The following DTD1 variants were observed in gnomAD, a reference collection of about 807,000 sequenced individuals.
The protein encoded by DTD1 is D-aminoacyl-tRNA deacylase 1.
A neutral mutation model predicts 25.6 loss-of-function variants in DTD1; 13 were observed. That is an observed-to-expected ratio of 0.51 (90% CI 0.33 to 0.81). The LOEUF is 0.81. Ranked by LOEUF, DTD1 falls within the 30% of genes least tolerant of loss-of-function variation. The pLI, the probability that DTD1 is intolerant of heterozygous loss-of-function variation, is 0.02. For synonymous variants in DTD1, 110 were observed against 103.6 expected (o/e 1.06, Z -0.37); for missense variants, 193 against 266.4 (o/e 0.72, Z 1.92).
Position 18,593,674 on chromosome 20 carries a change from G to T in DTD1, c.44-57G>T, listed in dbSNP as rs559313443. ...AAAATACTCCTATGGTTACTTAAAAGTGCTTTATGACCTTGTTTGGTTCTG... is the reference window on the plus strand; with the variant it reads ...AAAATACTCCTATGGTTACTTAAAATTGCTTTATGACCTTGTTTGGTTCTG... On this transcript the variant is annotated intron_variant, in intron 1 of 5. Transcript: ENST00000377452. 2.4e-4 allele frequency: 310 copies of T among 1,305,320 alleles called. No individual in the cohort carries two copies. In the Middle Eastern group the frequency reaches 6.4e-3, roughly 27 times the overall value. The allele number at this position is 1,305,320 out of a possible 1,614,324, so 80.9% of individuals were successfully genotyped here. A position where few individuals can be genotyped will look rare whatever the true frequency, so the allele number is the denominator to read the frequency against.
intron 4 of DTD1, among the ~76,000 whole-genome samples, chr20:18,719,819 A>C (rs1229612893): frequency 3.3e-5 from 5 of 152,184 alleles, no homozygotes; most frequent in Non-Finnish European, 7.3e-5. Flanking sequence ...TCATTTTGTC[A>C]TAATAATTTA....
intron 4 of DTD1, 105 bp from the exon 5 acceptor site, chr20:18,743,995 A>G (rs1046002526): frequency 5.0e-5 from 65 of 1,309,632 alleles, no homozygotes; most frequent in Non-Finnish European, 6.2e-5. Flanking sequence ...AGGTTATCAG[A>G]AAAAAACTTT....
chr20:18,738,390 G>A (rs2061264950), intron 4 of DTD1, among the ~76,000 whole-genome samples: 1 of 152,194 alleles, frequency 6.6e-6, no homozygotes. Context: ...ACATGAGGGT[G>A]GCTTATAACG....
chr20:18,692,827 A>G (rs902875213), intron 4 of DTD1, among the ~76,000 whole-genome samples: 2 of 151,524 alleles, frequency 1.3e-5, no homozygotes, highest in African/African-American at 4.9e-5. Flanking sequence ...TACATCAGTT[A>G]TCTTTTATTT....
At chr20:18,665,091 C>T (rs888752769) in intron 4 of DTD1, among the ~76,000 whole-genome samples, 3 of 152,152 alleles carry the variant, frequency 2.0e-5, no homozygotes, top group Non-Finnish European at 2.9e-5. Context: ...GTGAATACCA[C>T]GGAAGACATA....
chr20:18,662,917 G>A lies in DTD1; in HGVS notation c.477+34684G>A, dbSNP rs6132096. Among the ~76,000 whole-genome samples, 510 of 152,174 alleles carry A rather than the reference G, an allele frequency of 3.4e-3. 23 individuals are homozygous for A. The East Asian group carries it at 0.079, about 24-fold the overall frequency. ...TAACTTTCTTTTTATGGCTCTTATC[G>A]CAAAGTCATTTATATTGCTTTTGTT... On this transcript the variant is annotated intron_variant, in intron 4 of 5. Transcript: ENST00000377452.
chr20:18,661,592 T>C lies in DTD1; in HGVS notation c.477+33359T>C, dbSNP rs564870997. ...TTCACCGTGTTAGCCAGGATGGTTT[T>C]GATCTCCTGACCTCGTGATCTGCCC... On this transcript the variant is annotated intron_variant, in intron 4 of 5. Coordinates refer to ENST00000377452, the MANE Select transcript of DTD1 (RefSeq NM_080820.6). Among the ~76,000 whole-genome samples, 879 of 152,226 alleles carry C rather than the reference T, an allele frequency of 5.8e-3. 5 individuals carry two copies. Among genetic ancestry groups the C allele is most frequent in the African/African-American group, 0.013 (549 of 41,552 alleles).
intron 5 of DTD1, among the ~76,000 whole-genome samples, chr20:18,750,172 A>G (rs1430853015): frequency 6.6e-6 from 1 of 152,166 alleles, no homozygotes; most frequent in African/African-American, 2.4e-5. Context: ...GACCAGAACC[A>G]AGTGACAGCT....
chr20:18,729,145 A>G (rs1335050882), intron 4 of DTD1, among the ~76,000 whole-genome samples: 1 of 152,204 alleles, frequency 6.6e-6, no homozygotes, highest in African/African-American at 2.4e-5. Context: ...CTGGGACTAC[A>G]GGCATGTGCC....
At chr20:18,694,416 C>T (rs1216485910) in intron 4 of DTD1, among the ~76,000 whole-genome samples, 1 of 152,214 alleles carries the variant, frequency 6.6e-6, no homozygotes, top group African/African-American at 2.4e-5. Flanking sequence ...CTCTGAGCTG[C>T]ATCTTCTTAC....
rs531697151 is a variant in DTD1, at chr20:18,744,216, G to A, written c.594G>A (p.Gly198=). The A allele has an allele frequency of 1.6e-4, 257 of 1,612,254 alleles. 2 individuals carry two copies. In the South Asian group the frequency reaches 2.8e-3, roughly 17 times the overall value. Residue 198 remains glycine (G), a synonymous_variant, in exon 5 of 6, where the codon GGG becomes GGA. Coordinates refer to ENST00000377452, the MANE Select transcript of DTD1 (RefSeq NM_080820.6). ...PRKEDRSASS[G]AEGDVSSERE... ...AAGAAGACCGCAGTGCCAGCAGCGG[G>A]GCTGAGGGCGACGTGTCCTCTGAAC... is the stretch of plus-strand genomic sequence containing the variant.
In DTD1 at chr20:18,749,325, G is replaced by T. The variant is rs2061313032; in HGVS notation, c.*19+5054G>T. ...TCAGGGCCTGTGAGAGTGCTGCTCA[G>T]CATCGCCGTGGGGTGGGGAAGGCTC... On this transcript the variant is annotated intron_variant, in intron 5 of 5. Transcript: ENST00000377452. The surrounding 1 kb of genome is among the most constrained non-coding windows in gnomAD (Gnocchi z 4.2). 6.6e-6 allele frequency among the ~76,000 whole-genome samples: 1 copy of T among 152,190 alleles called. No homozygotes were observed. Among genetic ancestry groups the T allele is most frequent in the Non-Finnish European group, 1.5e-5 (1 of 68,026 alleles).
intron 4 of DTD1, among the ~76,000 whole-genome samples, chr20:18,692,387 G>T (rs1568670822): frequency 6.6e-6 from 1 of 152,214 alleles, no homozygotes; most frequent in African/African-American, 2.4e-5. Context: ...CTGTATCTCT[G>T]CTTCCTTTGG....
At chr20:18,610,002 G>A (rs1327419627) in intron 3 of DTD1, among the ~76,000 whole-genome samples, 1 of 152,164 alleles carries the variant, frequency 6.6e-6, no homozygotes, top group Non-Finnish European at 1.5e-5. Context: ...TGCCAGCATT[G>A]TTCTTCTCTG....
intron 2 of DTD1, 50 bp downstream of exon 2, chr20:18,593,871 T>G (rs745770544): frequency 1.2e-4 from 174 of 1,477,562 alleles, no homozygotes; most frequent in Non-Finnish European, 1.6e-4. Context: ...GTGGTGGTGG[T>G]CATGCTGGGA....
intron 4 of DTD1, among the ~76,000 whole-genome samples, chr20:18,737,103 G>T (rs1454934627): frequency 6.6e-6 from 1 of 152,172 alleles, no homozygotes; most frequent in Non-Finnish European, 1.5e-5. Flanking sequence ...TCTGCCTAGG[G>T]TGCCCCTCAT....
intron 3 of DTD1, among the ~76,000 whole-genome samples, chr20:18,607,951 T>TG (rs2122270327): frequency 6.6e-6 from 1 of 152,220 alleles, no homozygotes; most frequent in South Asian, 2.1e-4. Flanking sequence ...TGACCTCAGG[T>TG]GATGCACCTG....
At chr20:18,662,525 A>G (rs931296317) in intron 4 of DTD1, among the ~76,000 whole-genome samples, 2 of 152,252 alleles carry the variant, frequency 1.3e-5, no homozygotes, top group African/African-American at 4.8e-5. Flanking sequence ...AAGCTGCTCC[A>G]GAAGCACATA....
intron 5 of DTD1, among the ~76,000 whole-genome samples, chr20:18,761,039 G>A (rs377304381): frequency 1.9e-4 from 29 of 152,312 alleles, no homozygotes; most frequent in Admixed American, 2.0e-4. Context: ...AGAGCCATGC[G>A]CGGGATATAA....
Sources: gnomAD v4.1 joint callset for allele counts (sites outside exome capture counted in the v4.1 genomes callset) on GRCh38, gnomAD v4.1.1 for gene constraint, Gnocchi (gnomAD v3.1) non-coding constraint, MANE v1.5 for transcripts, NCBI Gene and HGNC (gene_info 2026-07-23, HGNC 2026-07-21) for gene names.